The following MACROD2 variants were observed in gnomAD, a reference collection of about 807,000 sequenced individuals.
MACROD2 encodes ADP-ribose glycohydrolase MACROD2.
In MACROD2, 36 loss-of-function variants were observed where a neutral mutation model predicts 70.4. The observed-to-expected ratio is 0.51, with a 90% CI of 0.39 to 0.68. The LOEUF (loss-of-function observed/expected upper bound fraction) is 0.68, where lower values mean the gene tolerates loss of function less well. MACROD2 is among the 30% of genes least tolerant of loss of function. The pLI is 0.00. For missense variants in MACROD2, 496 were observed against 538.4 expected (o/e 0.92, Z 0.78); for synonymous variants, 172 against 178.8 (o/e 0.96, Z 0.30).
At chr20:15,202,586 A>G (rs2076666106) in intron 5 of MACROD2, among the ~76,000 whole-genome samples, 2 of 152,220 alleles carry the variant, frequency 1.3e-5, no homozygotes, top group African/African-American at 4.8e-5. Context: ...AAATAATCAC[A>G]TTAACCCAGG....
At chr20:14,757,473 C>A (rs1354872874) in intron 5 of MACROD2, 1 of 496,216 alleles carries the variant, frequency 2.0e-6, no homozygotes, top group Non-Finnish European at 3.6e-6. Flanking sequence ...CGTTATTTTT[C>A]TTAGGTAGGC....
intron 5 of MACROD2, among the ~76,000 whole-genome samples, chr20:14,991,092 C>T (rs917576868): frequency 1.1e-4 from 17 of 152,108 alleles, no homozygotes; most frequent in African/African-American, 3.9e-4. Context: ...ACACAGCTTG[C>T]TGGGCCTGCT....
chr20:15,254,433 AAG>A (rs559531178), intron 6 of MACROD2, among the ~76,000 whole-genome samples: 39 of 152,232 alleles, frequency 2.6e-4, no homozygotes, highest in African/African-American at 9.4e-4. Flanking sequence ...CACGGGGGGA[AAG>A]AGCAGGACTG....
At chr20:14,550,315 CTCTT>C (rs2123258823) in intron 4 of MACROD2, among the ~76,000 whole-genome samples, 1 of 152,200 alleles carries the variant, frequency 6.6e-6, no homozygotes, top group African/African-American at 2.4e-5. Context: ...CCTTCCCTGT[CTCTT>C]CCTTCACTTT....
rs143276117 is a variant in MACROD2 at position 15,096,742 on chromosome 20, C to T, written c.419-133198C>T. The stretch of plus-strand genomic sequence containing the variant: ...GACCAGGCTGGTCTGGAGCTCCTGA[C>T]GTCAAGTAATCCGCCTGCCTCGGCC... On this transcript the variant is annotated intron_variant, in intron 5 of 17. Coordinates refer to ENST00000684519, the MANE Select transcript of MACROD2 (RefSeq NM_001351661.2). Among the ~76,000 whole-genome samples, 826 of 151,062 alleles carry T rather than the reference C, an allele frequency of 5.5e-3. 6 individuals are homozygous for T. Among genetic ancestry groups the T allele is most frequent in the Non-Finnish European group, 8.5e-3 (580 of 67,930 alleles).
rs1311774792 is a variant in MACROD2, at chr20:14,222,193, TC to T, written c.271+136466del. Among the ~76,000 whole-genome samples the T allele has an allele frequency of 3.6e-5, 4 of 109,944 alleles. No individual in the cohort carries two copies. The East Asian group carries it at 1.4e-3, about 38-fold the overall frequency. The allele number at this position is 109,944 out of a possible 152,430, so 72.1% of individuals were successfully genotyped here. Reference sequence around the variant, plus strand: ...AAAGATACCTGCATTTTTATACTTATCACAGCACAATATTCACAATAGCAAA... The same window carrying T: ...AAAGATACCTGCATTTTTATACTTATACAGCACAATATTCACAATAGCAAA... On this transcript the variant is annotated intron_variant, in intron 3 of 17. Coordinates refer to ENST00000684519, the MANE Select transcript of MACROD2 (RefSeq NM_001351661.2).
chr20:15,339,500 A>T (rs2078084451), intron 6 of MACROD2, among the ~76,000 whole-genome samples: 1 of 151,756 alleles, frequency 6.6e-6, no homozygotes, highest in African/African-American at 2.4e-5. Context: ...ACTGGCTGCT[A>T]AATCGTTTCT....
intron 6 of MACROD2, among the ~76,000 whole-genome samples, chr20:15,399,600 C>A (rs1043760616): frequency 6.6e-6 from 1 of 152,180 alleles, no homozygotes; most frequent in African/African-American, 2.4e-5. Context: ...CAGTCTTTAG[C>A]GTAGCTAGAT....
At chr20:15,787,021 G>A (rs2051940997) in intron 8 of MACROD2, among the ~76,000 whole-genome samples, 1 of 152,132 alleles carries the variant, frequency 6.6e-6, no homozygotes, top group South Asian at 2.1e-4. Context: ...CGCCCAGGCT[G>A]GAATGCAGTG....
At chr20:14,734,010 T>C (rs947330565) in intron 5 of MACROD2, among the ~76,000 whole-genome samples, 9 of 152,176 alleles carry the variant, frequency 5.9e-5, no homozygotes, top group African/African-American at 1.4e-4. Context: ...AGATACTGTA[T>C]GTAGGCACTT....
chr20:15,128,550 G>T (rs1601110968), intron 5 of MACROD2, among the ~76,000 whole-genome samples: 2 of 151,976 alleles, frequency 1.3e-5, no homozygotes. Flanking sequence ...TCTGAGGTAG[G>T]ATCAAGCTAC....
At chr20:16,014,136 T>C (rs919208839) in intron 15 of MACROD2, among the ~76,000 whole-genome samples, 7 of 152,334 alleles carry the variant, frequency 4.6e-5, no homozygotes, top group African/African-American at 1.7e-4. Flanking sequence ...CTAAATTTTT[T>C]CCTATCACCT....
At chr20:15,868,898 T>C (rs1036447057) in intron 9 of MACROD2, among the ~76,000 whole-genome samples, 2 of 151,842 alleles carry the variant, frequency 1.3e-5, no homozygotes, top group African/African-American at 4.8e-5. Flanking sequence ...GATCCTCCTG[T>C]TTCAACTTCC....
intron 3 of MACROD2, among the ~76,000 whole-genome samples, chr20:14,362,577 T>C (rs994424188): frequency 6.6e-6 from 1 of 152,202 alleles, no homozygotes; most frequent in African/African-American, 2.4e-5. Flanking sequence ...TAACTTTGTA[T>C]AGTATGGTTT....
intron 6 of MACROD2, among the ~76,000 whole-genome samples, chr20:15,275,634 G>A (rs1367272521): frequency 6.6e-6 from 1 of 152,182 alleles, no homozygotes; most frequent in Admixed American, 6.5e-5. Context: ...TTTCTAGGTG[G>A]AATGCAAGCA....
chr20:14,706,134 T>C (rs577803502), intron 5 of MACROD2, among the ~76,000 whole-genome samples: 1 of 152,100 alleles, frequency 6.6e-6, no homozygotes, highest in East Asian at 1.9e-4. Flanking sequence ...GCCAACATGA[T>C]GAAACCCCGT....
intron 3 of MACROD2, among the ~76,000 whole-genome samples, chr20:14,198,446 T>A: frequency 6.6e-6 from 1 of 152,214 alleles, no homozygotes; most frequent in East Asian, 1.9e-4. Context: ...AATGTATAAT[T>A]TCTGTATCAA....
intron 3 of MACROD2, among the ~76,000 whole-genome samples, chr20:14,431,722 G>A (rs2083996772): frequency 6.6e-6 from 1 of 152,158 alleles, no homozygotes; most frequent in South Asian, 2.1e-4. Flanking sequence ...ATTATCTGGT[G>A]CAGTGCTCTG....
At chr20:15,998,640 C>T (rs2066666419) in intron 15 of MACROD2, among the ~76,000 whole-genome samples, 1 of 148,524 alleles carries the variant, frequency 6.7e-6, no homozygotes, top group Non-Finnish European at 1.5e-5. Context: ...TCTTGGCTCA[C>T]TGCAAGCTCC....
Sources: allele counts gnomAD v4.1 joint callset (sites outside exome capture counted in the v4.1 genomes callset), GRCh38; gene constraint gnomAD v4.1.1; transcripts MANE v1.5; gene names NCBI Gene and HGNC (gene_info 2026-07-23, HGNC 2026-07-21).